SCFD2: variants seen among roughly 807,000 people sequenced by gnomAD.
SCFD2 encodes the protein sec1 family domain-containing protein 2.
A neutral mutation model predicts 58.9 loss-of-function variants in SCFD2; 54 were observed. The ratio of observed to expected loss-of-function variants is 0.92; its 90% CI spans 0.74 to 1.15. SCFD2 has a LOEUF of 1.15. Among genes scored for constraint, SCFD2 ranks in the 50% most tolerant of loss-of-function variants. The pLI is 0.00. For synonymous variants in SCFD2, 321 were observed against 335.9 expected, an observed-to-expected ratio of 0.96 and a Z score of 0.49; for missense variants, 805 against 836.6, an observed-to-expected ratio of 0.96 and a Z score of 0.47.
chr4:53,350,266 C>T (rs994574432), intron 2 of SCFD2, among the ~76,000 whole-genome samples: 1 of 152,140 alleles, frequency 6.6e-6, no homozygotes, highest in African/African-American at 2.4e-5. Flanking sequence ...AGCTCCCAAC[C>T]CACACTGGGC....
At chr4:53,341,294 G>A (rs567010914) in intron 2 of SCFD2, among the ~76,000 whole-genome samples, 1 of 152,268 alleles carries the variant, frequency 6.6e-6, no homozygotes, top group East Asian at 1.9e-4. Context: ...CATGGCACAA[G>A]AACTATATGA....
chr4:53,124,092 A>G (rs1311154278), intron 5 of SCFD2, among the ~76,000 whole-genome samples: 2 of 152,194 alleles, frequency 1.3e-5, no homozygotes. Context: ...TAGAGGGTCC[A>G]ATATATTGCT....
chr4:53,012,499 A>C (rs1477403931), intron 5 of SCFD2, among the ~76,000 whole-genome samples: 1 of 152,034 alleles, frequency 6.6e-6, no homozygotes, highest in Admixed American at 6.6e-5. Context: ...AGGGCTGGCT[A>C]TTTGGTCCGA....
intron 4 of SCFD2, 191 bp downstream of exon 4, chr4:53,273,634 CA>C: frequency 2.0e-6 from 1 of 490,454 alleles, no homozygotes; most frequent in Non-Finnish European, 3.5e-6. Flanking sequence ...ATGTTACTGT[CA>C]AAATTTTTTT....
chr4:53,071,791 C>T (rs905283211), intron 5 of SCFD2, among the ~76,000 whole-genome samples: 12 of 151,830 alleles, frequency 7.9e-5, no homozygotes, highest in African/African-American at 1.2e-4. Context: ...CAAATGTATG[C>T]GACTTAAATG....
chr4:53,068,846 C>A (rs1232195992), intron 5 of SCFD2, among the ~76,000 whole-genome samples: 1 of 152,002 alleles, frequency 6.6e-6, no homozygotes, highest in African/African-American at 2.4e-5. Context: ...GGGTGGAAAA[C>A]CCTGCAGTGA....
intron 5 of SCFD2, among the ~76,000 whole-genome samples, chr4:53,064,810 C>G (rs1434427834): frequency 6.6e-6 from 1 of 152,088 alleles, no homozygotes; most frequent in East Asian, 1.9e-4. Flanking sequence ...CTTCAGCTTC[C>G]TCATCTGAAA....
Position 53,020,642 on chromosome 4 carries a change from C to A in SCFD2, c.1562-99772G>T, listed in dbSNP as rs542158598. The stretch of plus-strand genomic sequence containing the variant: ...AGACTAGATAGCTGTTCAGCACAGT[C>A]CTTTCCTTCCTGGGTACACAGTAGC... On this transcript the variant is annotated intron_variant, in intron 5 of 8. Transcript: ENST00000401642. Among the ~76,000 whole-genome samples, 5 of 152,274 alleles carry A rather than the reference C, an allele frequency of 3.3e-5. No homozygotes were observed. The South Asian group carries it at 6.2e-4, about 19-fold the overall frequency.
Position 53,332,967 on chromosome 4 carries a change from G to T in SCFD2, c.1008-19204C>A, listed in dbSNP as rs992476524. 4.0e-5 allele frequency among the ~76,000 whole-genome samples: 6 copies of T among 151,390 alleles called. No individual in the cohort carries two copies. The East Asian group carries it at 5.8e-4, about 15-fold the overall frequency. On this transcript the variant is annotated intron_variant, in intron 2 of 8. Coordinates refer to ENST00000401642, the MANE Select transcript of SCFD2 (RefSeq NM_152540.4). Reference sequence around the variant, plus strand: ...TATACACCAATAACAGACAAACAGAGAGCCAAATCATGAGTGAACTCCCAT... The same window carrying T: ...TATACACCAATAACAGACAAACAGATAGCCAAATCATGAGTGAACTCCCAT...
intron 6 of SCFD2, among the ~76,000 whole-genome samples, chr4:52,909,638 GT>G (rs1445731616): frequency 6.6e-6 from 1 of 152,124 alleles, no homozygotes; most frequent in Non-Finnish European, 1.5e-5. Flanking sequence ...TTACAGCACA[GT>G]TTAAAGCACC....
chr4:52,992,395 C>T (rs959531900), intron 5 of SCFD2, among the ~76,000 whole-genome samples: 5 of 152,220 alleles, frequency 3.3e-5, no homozygotes, highest in South Asian at 2.1e-4. Context: ...ACCTCCCAGC[C>T]GCCTGCCTTG....
intron 5 of SCFD2, among the ~76,000 whole-genome samples, chr4:53,026,818 T>C (rs114954786): frequency 0.011 from 1,740 of 152,324 alleles, 17 homozygotes; most frequent in Middle Eastern, 0.034. Context: ...ACTTTTAAAT[T>C]CAAACCATCA....
intron 5 of SCFD2, among the ~76,000 whole-genome samples, chr4:53,038,227 A>C (rs1577677201): frequency 6.6e-6 from 1 of 152,208 alleles, no homozygotes; most frequent in Non-Finnish European, 1.5e-5. Flanking sequence ...AGAAGAAGTC[A>C]TGTTTTCTGA....
chr4:53,224,951 A>G (rs1044280589), intron 4 of SCFD2, among the ~76,000 whole-genome samples: 5 of 152,210 alleles, frequency 3.3e-5, no homozygotes, highest in African/African-American at 1.2e-4. Flanking sequence ...ACATTACATG[A>G]ATAACATTTC....
intron 5 of SCFD2, among the ~76,000 whole-genome samples, chr4:53,076,534 G>C (rs1723980871): frequency 6.6e-6 from 1 of 152,130 alleles, no homozygotes; most frequent in Non-Finnish European, 1.5e-5. Context: ...CAAATGCGCT[G>C]ATATCTAGTT....
chr4:53,029,499 A>G (rs1056020619), intron 5 of SCFD2, among the ~76,000 whole-genome samples: 8 of 152,326 alleles, frequency 5.3e-5, no homozygotes, highest in African/African-American at 1.9e-4. Flanking sequence ...AAACAATTCG[A>G]GTTTCTATAA....
intron 5 of SCFD2, among the ~76,000 whole-genome samples, chr4:53,071,186 A>C (rs1723803834): frequency 6.6e-6 from 1 of 152,142 alleles, no homozygotes; most frequent in African/African-American, 2.4e-5. Flanking sequence ...AGTGAAGTAA[A>C]ACAGCAAGAG....
intron 7 of SCFD2, among the ~76,000 whole-genome samples, chr4:52,894,500 A>G (rs1718952675): frequency 1.3e-5 from 2 of 152,238 alleles, no homozygotes; most frequent in African/African-American, 4.8e-5. Context: ...AATTAAATTA[A>G]TGTTGTAGGG....
intron 5 of SCFD2, among the ~76,000 whole-genome samples, chr4:53,142,269 G>C (rs577806476): frequency 1.0e-3 from 152 of 152,284 alleles, no homozygotes; most frequent in African/African-American, 3.6e-3. Context: ...TCAACACTTG[G>C]AGCTGGTGTT....
Sources: gnomAD v4.1 joint callset for allele counts (sites outside exome capture counted in the v4.1 genomes callset) on GRCh38, gnomAD v4.1.1 for gene constraint, MANE v1.5 for transcripts, NCBI Gene and HGNC (gene_info 2026-07-23, HGNC 2026-07-21) for gene names.